DPP6: variants seen among roughly 807,000 people sequenced by gnomAD.
The protein encoded by DPP6 is A-type potassium channel modulatory protein DPP6.
A neutral mutation model predicts 122.6 loss-of-function variants in DPP6; 69 were observed. The ratio of observed to expected loss-of-function variants is 0.56; its 90% confidence interval spans 0.46 to 0.69. The LOEUF (loss-of-function observed/expected upper bound fraction) is 0.69, where lower values mean the gene tolerates loss of function less well. DPP6 is among the 30% of genes least tolerant of loss of function. The pLI is 0.00. For missense variants in DPP6, 928 were observed against 1,116.9 expected (o/e 0.83, Z 2.41); for synonymous variants, 418 against 433.1 (o/e 0.97, Z 0.43).
chr7:154,090,960 A>T (rs1192839065), intron 1 of DPP6, among the ~76,000 whole-genome samples: 3 of 150,092 alleles, frequency 2.0e-5, no homozygotes, highest in Admixed American at 6.7e-5. Flanking sequence ...CTCTACTAAA[A>T]ATACAAAAAA....
At chr7:154,636,319 G>A (rs1263293552) in intron 5 of DPP6, among the ~76,000 whole-genome samples, 1 of 152,178 alleles carries the variant, frequency 6.6e-6, no homozygotes, top group Non-Finnish European at 1.5e-5. Context: ...TGCAGCATGG[G>A]GTCCTTTAAT....
chr7:154,442,649 C>T (rs1251215361), intron 1 of DPP6, among the ~76,000 whole-genome samples: 9 of 152,068 alleles, frequency 5.9e-5, no homozygotes, highest in African/African-American at 2.2e-4. Context: ...CTTGCCATGT[C>T]ACAGGGGCAA....
chr7:153,767,619 TCCAC>T, the DPP6 span, among the ~76,000 whole-genome samples: 1 of 151,248 alleles, frequency 6.6e-6, no homozygotes, highest in Admixed American at 6.6e-5. Flanking sequence ...CCTCAGGTGA[TCCAC>T]CCTCCTCAGC....
chr7:154,472,616 C>T (rs758666874), intron 2 of DPP6, among the ~76,000 whole-genome samples: 10 of 152,174 alleles, frequency 6.6e-5, no homozygotes, highest in Non-Finnish European at 1.5e-4. Flanking sequence ...CTTCAGGGCT[C>T]AGCATGGTTT....
intron 1 of DPP6, among the ~76,000 whole-genome samples, chr7:154,351,875 C>G (rs969533224): frequency 6.6e-6 from 1 of 152,152 alleles, no homozygotes; most frequent in Non-Finnish European, 1.5e-5. Flanking sequence ...GGCACCTCTG[C>G]TCCCCTGGGG....
intron 8 of DPP6, among the ~76,000 whole-genome samples, chr7:154,764,315 G>A (rs536203781): frequency 6.6e-6 from 1 of 152,246 alleles, no homozygotes; most frequent in South Asian, 2.1e-4. Flanking sequence ...TGACCTGTTA[G>A]GTCCATGAAA....
chr7:154,305,423 T>C, intron 1 of DPP6: 3 of 1,287,614 alleles, frequency 2.3e-6, no homozygotes, highest in South Asian at 2.9e-5. Context: ...ACCTTACCGC[T>C]TGGACTCTGG....
rs1832524247 is a variant in DPP6 at position 154,587,385 on chromosome 7, C to T, written c.627+20469C>T. ...TGCCTTTGCCTTGATCTGGACTCTT[C>T]TCTCCTCTTGCCAGGACCAATGCTG... On this transcript the variant is annotated intron_variant, in intron 5 of 25. Transcript: ENST00000377770. The T allele has an allele frequency of 1.1e-5, 6 of 545,078 alleles. No homozygotes were observed. In the South Asian group the frequency reaches 1.3e-4, roughly 12 times the overall value. The allele number at this position is 545,078 out of a possible 1,614,324, so 33.8% of individuals were successfully genotyped here. A position where few individuals can be genotyped will look rare whatever the true frequency, so the allele number is the denominator to read the frequency against.
At chr7:154,639,544 G>A (rs1244055587) in intron 6 of DPP6, among the ~76,000 whole-genome samples, 1 of 152,192 alleles carries the variant, frequency 6.6e-6, no homozygotes, top group Non-Finnish European at 1.5e-5. Context: ...TCTAAAAGCA[G>A]TTGATGCCTA....
At chr7:154,315,408 T>A (rs1807347278) in intron 1 of DPP6, among the ~76,000 whole-genome samples, 1 of 152,136 alleles carries the variant, frequency 6.6e-6, no homozygotes, top group Non-Finnish European at 1.5e-5. Context: ...GAGGATCTGA[T>A]GAAAGCCATA....
intron 1 of DPP6, among the ~76,000 whole-genome samples, chr7:154,038,211 C>T (rs552586799): frequency 1.4e-4 from 21 of 147,522 alleles, no homozygotes; most frequent in African/African-American, 5.3e-4. Context: ...TTCCAGGCAC[C>T]GTGACAAACA....
At chr7:154,560,965 T>G (rs1442946857) in intron 4 of DPP6, among the ~76,000 whole-genome samples, 2 of 151,938 alleles carry the variant, frequency 1.3e-5, no homozygotes, top group Non-Finnish European at 2.9e-5. Context: ...ATGGCTATAT[T>G]AATATTAGAT....
intron 1 of DPP6, among the ~76,000 whole-genome samples, chr7:154,022,009 C>G (rs1427585365): frequency 6.6e-6 from 1 of 152,130 alleles, no homozygotes; most frequent in Non-Finnish European, 1.5e-5. Flanking sequence ...TTAAGGCCAA[C>G]TCAGATCTAA....
At chr7:154,569,046 A>G (rs1254913744) in intron 5 of DPP6, among the ~76,000 whole-genome samples, 7 of 152,156 alleles carry the variant, frequency 4.6e-5, no homozygotes, top group Admixed American at 2.6e-4. Context: ...CCTTAGCGCT[A>G]TACCAAGATA....
intron 1 of DPP6, among the ~76,000 whole-genome samples, chr7:154,409,456 G>T (rs1186150811): frequency 6.6e-6 from 1 of 152,198 alleles, no homozygotes; most frequent in African/African-American, 2.4e-5. Context: ...CTCCAAGTCT[G>T]TGGAATTTAT....
chr7:154,289,078 C>T (rs1346943538), intron 1 of DPP6, among the ~76,000 whole-genome samples: 1 of 151,472 alleles, frequency 6.6e-6, no homozygotes, highest in Non-Finnish European at 1.5e-5. Flanking sequence ...TCTGGGCAGA[C>T]GATAATACTA....
intron 1 of DPP6, among the ~76,000 whole-genome samples, chr7:154,191,031 A>G (rs1798591359): frequency 6.6e-6 from 1 of 152,252 alleles, no homozygotes; most frequent in Non-Finnish European, 1.5e-5. Context: ...AGCCAATAAT[A>G]AAAGAGCAAC....
chr7:154,621,478 C>T (rs898105498), intron 5 of DPP6, among the ~76,000 whole-genome samples: 4 of 152,156 alleles, frequency 2.6e-5, no homozygotes, highest in Non-Finnish European at 5.9e-5. Flanking sequence ...AAGCGATTCT[C>T]CTGCCTCAGC....
At chr7:154,321,652 G>A (rs1379502071) in intron 1 of DPP6, among the ~76,000 whole-genome samples, 1 of 151,618 alleles carries the variant, frequency 6.6e-6, no homozygotes, top group Non-Finnish European at 1.5e-5. Context: ...GGGCATAGTG[G>A]CGGGTGCCTG....
Sources: allele counts gnomAD v4.1 joint callset (sites outside exome capture counted in the v4.1 genomes callset), GRCh38; gene constraint gnomAD v4.1.1; transcripts MANE v1.5; gene names NCBI Gene and HGNC (gene_info 2026-07-23, HGNC 2026-07-21).